Variants in SYBU observed in about 807,000 individuals in gnomAD.
SYBU encodes the protein GOLSYN A protein.
In SYBU, 21 loss-of-function variants were observed where a neutral mutation model predicts 35.9. The observed-to-expected ratio is 0.58, with a 90% CI of 0.41 to 0.84. SYBU has a LOEUF of 0.84. SYBU is among the 40% of genes least tolerant of loss of function. SYBU has a pLI of 0.00. For missense variants in SYBU, 768 were observed against 848.2 expected (o/e 0.91, Z 1.17); for synonymous variants, 319 against 324.3 (o/e 0.98, Z 0.18).
At chr8:109,625,434 T>C (rs909229951) in intron 2 of SYBU, among the ~76,000 whole-genome samples, 1 of 152,216 alleles carries the variant, frequency 6.6e-6, no homozygotes, top group Non-Finnish European at 1.5e-5. Flanking sequence ...ATGTGTTTGT[T>C]TATTTTCAGA....
intron 3 of SYBU, among the ~76,000 whole-genome samples, chr8:109,595,942 C>T (rs776476360): frequency 1.3e-5 from 2 of 152,174 alleles, no homozygotes; most frequent in Non-Finnish European, 2.9e-5. Flanking sequence ...AATATGCAAA[C>T]ATATTACCTT....
chr8:109,650,060 TG>T (rs1427216959), intron 1 of SYBU, among the ~76,000 whole-genome samples: 1 of 152,016 alleles, frequency 6.6e-6, no homozygotes, highest in Non-Finnish European at 1.5e-5. Context: ...CCAGAAAGTG[TG>T]GGAAAAGCAG....
upstream of SYBU, chr8:109,645,568 C>T (rs918202224): frequency 6.2e-6 from 2 of 322,242 alleles, no homozygotes; most frequent in South Asian, 5.2e-5. Flanking sequence ...CAAGCCAGCA[C>T]TCCAATCGGT....
intron 2 of SYBU, among the ~76,000 whole-genome samples, chr8:109,640,733 T>A (rs991598400): frequency 6.6e-6 from 1 of 151,174 alleles, no homozygotes; most frequent in Non-Finnish European, 1.5e-5. Flanking sequence ...GAAATAAGTT[T>A]TAAAACATAA....
At chr8:109,580,096 A>T in intron 4 of SYBU, 94 bp from the exon 5 acceptor site, 1 of 1,226,810 alleles carries the variant, frequency 8.2e-7, no homozygotes, top group Non-Finnish European at 1.2e-6. Flanking sequence ...AATCCAATTT[A>T]TAGAGTTGAA....
intron 1 of SYBU, among the ~76,000 whole-genome samples, chr8:109,671,412 T>G (rs773694817): frequency 6.6e-6 from 1 of 152,140 alleles, no homozygotes; most frequent in Non-Finnish European, 1.5e-5. Flanking sequence ...AGCCTAAACC[T>G]CAAAGAGCCT....
intron 1 of SYBU, among the ~76,000 whole-genome samples, chr8:109,652,888 T>C (rs1816206564): frequency 6.6e-6 from 1 of 152,238 alleles, no homozygotes; most frequent in South Asian, 2.1e-4. Context: ...AGGTAACATC[T>C]CTGTATCTTG....
At chr8:109,588,466 C>T (rs547903206) in intron 3 of SYBU, among the ~76,000 whole-genome samples, 19 of 152,252 alleles carry the variant, frequency 1.2e-4, no homozygotes, top group South Asian at 6.2e-4. Context: ...AAGGCACATT[C>T]GGGTCCCTGC....
chr8:109,629,832 C>T (rs1365111248), intron 2 of SYBU, among the ~76,000 whole-genome samples: 1 of 152,096 alleles, frequency 6.6e-6, no homozygotes, highest in African/African-American at 2.4e-5. Flanking sequence ...TTAATGATTG[C>T]CATTCTAACT....
upstream of SYBU, among the ~76,000 whole-genome samples, chr8:109,649,579 C>T (rs1290676853): frequency 6.6e-6 from 1 of 152,130 alleles, no homozygotes; most frequent in East Asian, 1.9e-4. Flanking sequence ...GGGGAAGAGG[C>T]AGAGGTTGGG....
At chr8:109,611,487 T>A (rs987566997) in intron 3 of SYBU, among the ~76,000 whole-genome samples, 1 of 152,114 alleles carries the variant, frequency 6.6e-6, no homozygotes, top group African/African-American at 2.4e-5. Context: ...ATTTTACTGG[T>A]TTGGTCCCTG....
chr8:109,624,194 A>G (rs1286109369), intron 2 of SYBU, among the ~76,000 whole-genome samples: 1 of 152,176 alleles, frequency 6.6e-6, no homozygotes, highest in Non-Finnish European at 1.5e-5. Context: ...GTCATATAAA[A>G]AAACACATTA....
At chr8:109,608,999 C>T (rs1810881816) in intron 3 of SYBU, among the ~76,000 whole-genome samples, 1 of 152,020 alleles carries the variant, frequency 6.6e-6, no homozygotes, top group Non-Finnish European at 1.5e-5. Context: ...ATTAATTATC[C>T]CCTCATATTA....
chr8:109,621,640 C>G (rs1298008084), intron 2 of SYBU, among the ~76,000 whole-genome samples: 2 of 152,198 alleles, frequency 1.3e-5, no homozygotes, highest in African/African-American at 4.8e-5. Flanking sequence ...TGTACCCAGG[C>G]CCCACCCTGG....
chr8:109,635,302 A>C (rs1044299703), intron 2 of SYBU, among the ~76,000 whole-genome samples: 3 of 150,928 alleles, frequency 2.0e-5, no homozygotes, highest in Non-Finnish European at 4.4e-5. Context: ...ACTTCTTGAA[A>C]CTCTTTTCCT....
At chr8:109,690,377 C>A (rs920326130) in intron 1 of SYBU, among the ~76,000 whole-genome samples, 2 of 152,194 alleles carry the variant, frequency 1.3e-5, no homozygotes, top group African/African-American at 4.8e-5. Context: ...CATGTGCCTA[C>A]TGAAGAATCT....
At chr8:109,664,243 A>G (rs888037759) in intron 1 of SYBU, among the ~76,000 whole-genome samples, 48 of 152,202 alleles carry the variant, frequency 3.2e-4, no homozygotes, top group African/African-American at 1.1e-3. Context: ...GTCCCGTAAC[A>G]TGCTTGGAGA....
Position 109,691,517 on chromosome 8 carries a change from G to T in SYBU, c.-242C>A. On this transcript the variant is annotated 5_prime_UTR_variant, in exon 1 of 8. Transcript: ENST00000422135. This position sits in a 1 kb window ranked among gnomAD's most constrained non-coding sequence, Gnocchi z 4.7. The stretch of plus-strand genomic sequence containing the variant: ...GCCCGCCTTAGCCCGGCTTGGACAC[G>T]TGGTGCCGCGGAATCCCTTGCGCTC... 2.0e-6 allele frequency: 1 copy of T among 493,900 alleles called. No homozygotes were observed. Among genetic ancestry groups the T allele is most frequent in the South Asian group, 3.1e-5 (1 of 32,416 alleles). 30.6% of individuals were successfully genotyped at this position (493,900 alleles called of 1,614,324 possible). A position where few individuals can be genotyped will look rare whatever the true frequency, so the allele number is the denominator to read the frequency against.
At chr8:109,576,737 A>G (rs1258375825) in intron 6 of SYBU, among the ~76,000 whole-genome samples, 2 of 152,148 alleles carry the variant, frequency 1.3e-5, no homozygotes, top group Non-Finnish European at 2.9e-5. Context: ...TCACAGGACA[A>G]CCCTATTTCA....
Sources: allele counts gnomAD v4.1 joint callset (sites outside exome capture counted in the v4.1 genomes callset), GRCh38; gene constraint gnomAD v4.1.1; non-coding constraint Gnocchi (gnomAD v3.1); transcripts MANE v1.5; gene names NCBI Gene and HGNC (gene_info 2026-07-23, HGNC 2026-07-21).